The following CNTLN variants were observed in gnomAD, a reference collection of about 807,000 sequenced individuals.
CNTLN encodes centlein, centrosomal protein.
A neutral mutation model predicts 180.0 loss-of-function variants in CNTLN; 212 were observed. The ratio of observed to expected loss-of-function variants is 1.18; its 90% CI spans 1.05 to 1.32. CNTLN has a LOEUF of 1.32. Ranked by LOEUF, CNTLN falls within the 40% of genes most tolerant of loss-of-function variation. The probability of loss-of-function intolerance (pLI) is 0.00; values close to 1 mark genes in which losing one functional copy is unlikely to be tolerated. For synonymous variants in CNTLN, 722 were observed against 563.1 expected (o/e 1.28, Z -3.99); for missense variants, 2,095 against 1,610.9 (o/e 1.30, Z -5.14).
chr9:17,429,303 A>G (rs1587970661), intron 18 of CNTLN, among the ~76,000 whole-genome samples: 1 of 152,020 alleles, frequency 6.6e-6, no homozygotes, highest in East Asian at 1.9e-4. Context: ...CTATAACAGA[A>G]GTTCCCCGTG....
At chr9:17,422,384 G>T (rs960159565) in intron 18 of CNTLN, among the ~76,000 whole-genome samples, 1 of 151,840 alleles carries the variant, frequency 6.6e-6, no homozygotes, top group Admixed American at 6.6e-5. Flanking sequence ...TCTCTTATTT[G>T]GTTTAATTCT....
intron 18 of CNTLN, among the ~76,000 whole-genome samples, chr9:17,426,776 T>C (rs1044648820): frequency 6.6e-6 from 1 of 152,096 alleles, no homozygotes; most frequent in Non-Finnish European, 1.5e-5. Context: ...GTGTACAGTT[T>C]TAATTTGCAG....
At chr9:17,192,055 G>T (rs1821820215) in intron 2 of CNTLN, among the ~76,000 whole-genome samples, 1 of 152,020 alleles carries the variant, frequency 6.6e-6, no homozygotes, top group Non-Finnish European at 1.5e-5. Context: ...TACCTTGTGG[G>T]AAAATATTCC....
the CNTLN span, among the ~76,000 whole-genome samples, chr9:17,511,666 A>ACACG: frequency 6.6e-6 from 1 of 151,386 alleles, no homozygotes; most frequent in East Asian, 1.9e-4. Context: ...ACACACACAC[A>ACACG]CACACGCACA....
intron 8 of CNTLN, among the ~76,000 whole-genome samples, chr9:17,320,584 C>G (rs898530610): frequency 2.6e-5 from 4 of 152,148 alleles, no homozygotes; most frequent in African/African-American, 9.7e-5. Flanking sequence ...TGCACTGCAA[C>G]CTCCGCCTCC....
rs61730180 is a variant in CNTLN at position 17,494,938 on chromosome 9, A to G, written c.4120-7613A>G. Reference sequence around the variant, plus strand: ...GCTCTGTCTCCCAGGCTGAAGTGCAATGGCGCAATCGTGGCTCACCAAAAC... The same window carrying G: ...GCTCTGTCTCCCAGGCTGAAGTGCAGTGGCGCAATCGTGGCTCACCAAAAC... On this transcript the variant is annotated intron_variant, in intron 25 of 25. Transcript: ENST00000380647. 3.3e-3 allele frequency: 1,406 copies of G among 424,110 alleles called. 14 individuals carry two copies. The highest frequency in any genetic ancestry group is 0.031 in the African/African-American group (1,303 of 42,650). The allele number at this position is 424,110 out of a possible 1,614,324, so 26.3% of individuals were successfully genotyped here. A position where few individuals can be genotyped will look rare whatever the true frequency, so the allele number is the denominator to read the frequency against.
chr9:17,317,719 T>C lies in CNTLN; in HGVS notation c.1341+8467T>C, dbSNP rs539872132. On this transcript the variant is annotated intron_variant, in intron 8 of 25. Coordinates refer to ENST00000380647, the MANE Select transcript of CNTLN (RefSeq NM_017738.4). ...AGAAATATAGAAGAAGTGAATCATT[T>C]AGATATCTGATGAAGAGCATTCTAA... Among the ~76,000 whole-genome samples, 3 of 152,284 alleles carry C rather than the reference T, an allele frequency of 2.0e-5. No individual in the cohort carries two copies. The South Asian group carries it at 6.2e-4, about 32-fold the overall frequency.
chr9:17,457,590 T>C lies in CNTLN; in HGVS notation c.3181T>C (p.Ser1061Pro). Reference sequence around the variant, plus strand: ...AGATTTACTAAAGAAATTGGAGTCCTCATCTGAAATCACAAGTTTGGCAGA... The same window carrying C: ...AGATTTACTAAAGAAATTGGAGTCCCCATCTGAAATCACAAGTTTGGCAGA... ...KEDLLKKLES[S>P]SEITSLAEEN... The change falls in exon 19 of 26, where the codon TCA becomes CCA. Residue 1061 changes from serine (S) to proline (P), a missense_variant. Ser to Pro is a moderately conservative substitution (Grantham distance 74). Coordinates refer to ENST00000380647, the MANE Select transcript of CNTLN (RefSeq NM_017738.4). The C allele has an allele frequency of 4.5e-6, 7 of 1,559,166 alleles. No individual in the cohort carries two copies. Among genetic ancestry groups the C allele is most frequent in the South Asian group, 1.2e-5 (1 of 81,890 alleles).
intron 6 of CNTLN, among the ~76,000 whole-genome samples, chr9:17,284,807 T>C (rs2095156): frequency 0.22 from 33,385 of 151,836 alleles, 3,993 homozygotes; most frequent in South Asian, 0.36. Context: ...AGTGTTGTGG[T>C]TTATTTGCTC....
At chr9:17,245,686 T>C (rs530895910) in intron 5 of CNTLN, among the ~76,000 whole-genome samples, 1 of 152,198 alleles carries the variant, frequency 6.6e-6, no homozygotes, top group Admixed American at 6.5e-5. Flanking sequence ...AGATTTGCCC[T>C]TTCACTTTAT....
chr9:17,266,668 A>T (rs1827477103), intron 5 of CNTLN, among the ~76,000 whole-genome samples: 1 of 152,036 alleles, frequency 6.6e-6, no homozygotes, highest in Non-Finnish European at 1.5e-5. Flanking sequence ...ATTGTGTGGG[A>T]GTCTAAGTCT....
At chr9:17,379,528 T>A (rs1047388781) in intron 13 of CNTLN, among the ~76,000 whole-genome samples, 6 of 152,174 alleles carry the variant, frequency 3.9e-5, no homozygotes, top group Non-Finnish European at 8.8e-5. Context: ...CTGTAAGCAG[T>A]AAGCTGGGGT....
chr9:17,201,417 T>C (rs937929501), intron 2 of CNTLN, among the ~76,000 whole-genome samples: 2 of 152,202 alleles, frequency 1.3e-5, no homozygotes, highest in African/African-American at 4.8e-5. Context: ...TGGTACCAGC[T>C]CCTCTTTGTA....
chr9:17,280,921 G>C (rs934233550), intron 6 of CNTLN, among the ~76,000 whole-genome samples: 1 of 152,136 alleles, frequency 6.6e-6, no homozygotes, highest in African/African-American at 2.4e-5. Flanking sequence ...GCAATTAGTA[G>C]GCTGAGGCAG....
At chr9:17,263,613 G>A (rs1827179273) in intron 5 of CNTLN, among the ~76,000 whole-genome samples, 1 of 146,962 alleles carries the variant, frequency 6.8e-6, no homozygotes, top group South Asian at 2.3e-4. Context: ...CTGAGGAATT[G>A]CCACACTGAC....
chr9:17,345,318 A>G (rs533475937), intron 12 of CNTLN, among the ~76,000 whole-genome samples: 1 of 152,160 alleles, frequency 6.6e-6, no homozygotes, highest in South Asian at 2.1e-4. Flanking sequence ...GTTTCAAACC[A>G]TATCATTTTT....
rs923901526 is a variant in CNTLN at position 17,290,343 on chromosome 9, A to T, written c.984-7847A>T. 1.5e-3 allele frequency among the ~76,000 whole-genome samples: 230 copies of T among 151,004 alleles called. 1 individual carries two copies. Among genetic ancestry groups the T allele is most frequent in the African/African-American group, 5.3e-3 (219 of 41,154 alleles). ...CTCGGGGGTCAGGGGTCAGGGACCC[A>T]CTTGAGGAGGCAGTCTGCCCGTTCT... On this transcript the variant is annotated intron_variant, in intron 6 of 25. Coordinates refer to ENST00000380647, the MANE Select transcript of CNTLN (RefSeq NM_017738.4).
intron 2 of CNTLN, among the ~76,000 whole-genome samples, chr9:17,146,901 A>G (rs1235748915): frequency 6.7e-6 from 1 of 150,114 alleles, no homozygotes; most frequent in Non-Finnish European, 1.5e-5. Context: ...TTCTTGCATT[A>G]TCTTTGTTTT....
the CNTLN span, among the ~76,000 whole-genome samples, chr9:17,518,301 C>G: frequency 1.3e-5 from 2 of 152,006 alleles, no homozygotes; most frequent in African/African-American, 2.4e-5. Context: ...CCTACCTCGC[C>G]CTCCCAAAAT....
Sources: gnomAD v4.1 joint callset for allele counts (sites outside exome capture counted in the v4.1 genomes callset) on GRCh38, gnomAD v4.1.1 for gene constraint, MANE v1.5 for transcripts, NCBI Gene and HGNC (gene_info 2026-07-23, HGNC 2026-07-21) for gene names.